MSI1: variants seen among roughly 807,000 people sequenced by gnomAD.
MSI1 encodes RNA-binding protein Musashi homolog 1.
Under a neutral mutation model 54.4 loss-of-function variants are expected in MSI1, and 15 were observed. The ratio of observed to expected loss-of-function variants is 0.28; its 90% CI spans 0.18 to 0.42. The LOEUF (loss-of-function observed/expected upper bound fraction) is 0.42, where lower values mean the gene tolerates loss of function less well. MSI1 is among the 20% of genes least tolerant of loss of function. The pLI is 1.00. For missense variants in MSI1, 304 were observed against 506.0 expected (o/e 0.60, Z 3.83); for synonymous variants, 200 against 196.5 (o/e 1.02, Z -0.15).
chr12:120,348,281 C>G (rs1413625432), intron 11 of MSI1, among the ~76,000 whole-genome samples: 6 of 152,240 alleles, frequency 3.9e-5, no homozygotes, highest in African/African-American at 1.4e-4. Context: ...TGCTTAATAC[C>G]TGCTGAAAGA....
Position 120,368,798 on chromosome 12 carries a change from C to T in MSI1, c.100+35G>A, listed in dbSNP as rs1434939576. The T allele has an allele frequency of 2.1e-6, 3 of 1,420,938 alleles. No individual in the cohort carries two copies. Among genetic ancestry groups the T allele is most frequent in the South Asian group, 1.4e-5 (1 of 70,756 alleles). The allele number at this position is 1,420,938 out of a possible 1,614,324, so 88.0% of individuals were successfully genotyped here. ...GGGGCGCCGGGGGGTCCGGGGTGCC[C>T]TGCCGGACCGGCGGGCGCTCCCGGG... On this transcript the variant is annotated intron_variant, in intron 2 of 14. Coordinates refer to ENST00000257552, the MANE Select transcript of MSI1 (RefSeq NM_002442.4). The surrounding 1 kb of genome is among the most constrained non-coding windows in gnomAD (Gnocchi z 6.6).
intron 6 of MSI1, chr12:120,361,593 G>C (rs1875647255): frequency 6.6e-6 from 1 of 152,594 alleles, no homozygotes; most frequent in Non-Finnish European, 1.5e-5. Context: ...GATCGGGCGG[G>C]GGGAGGGGAG....
At chr12:120,351,434 C>T (rs755211018) in intron 10 of MSI1, 34 bp from the exon 11 acceptor site, 1 of 1,605,244 alleles carries the variant, frequency 6.2e-7, no homozygotes, top group Non-Finnish European at 8.5e-7. Flanking sequence ...TAGGAAGAAG[C>T]AGGGGAGGCC....
chr12:120,368,344 C>A lies in MSI1; in HGVS notation c.101-71G>T. On this transcript the variant is annotated intron_variant, in intron 2 of 14. Coordinates refer to ENST00000257552, the MANE Select transcript of MSI1 (RefSeq NM_002442.4). The surrounding 1 kb of genome is among the most constrained non-coding windows in gnomAD (Gnocchi z 6.6). The stretch of plus-strand genomic sequence containing the variant: ...TTCCCCCCCCCCCGTCCTTTGCCCC[C>A]GGTGACCCCGGAGCGGCCCGGCCGC... 1.3e-6 allele frequency: 2 copies of A among 1,502,970 alleles called. No individual in the cohort carries two copies. Among genetic ancestry groups the A allele is most frequent in the Non-Finnish European group, 1.8e-6 (2 of 1,115,812 alleles). The allele number at this position is 1,502,970 out of a possible 1,614,324, so 93.1% of individuals were successfully genotyped here. A position where few individuals can be genotyped will look rare whatever the true frequency, so the allele number is the denominator to read the frequency against.
At chr12:120,353,459 T>G in intron 9 of MSI1, 80 bp from the exon 10 acceptor site, 2 of 1,228,238 alleles carry the variant, frequency 1.6e-6, no homozygotes, top group Non-Finnish European at 2.4e-6. Flanking sequence ...GAGCCACTCA[T>G]GTCCCCTCAC....
chr12:120,368,698 G>T lies in MSI1; in HGVS notation c.100+135C>A. 1.3e-6 allele frequency: 1 copy of T among 790,002 alleles called. No individual in the cohort carries two copies. The highest frequency in any genetic ancestry group is 1.7e-6 in the Non-Finnish European group (1 of 597,932). The allele number at this position is 790,002 out of a possible 1,614,324, so 48.9% of individuals were successfully genotyped here. A position where few individuals can be genotyped will look rare whatever the true frequency, so the allele number is the denominator to read the frequency against. ...ATCGCCCTGCGCTCTCGGGGTCTCCGGGCGGGGCGCGAAAGAGGGCGCGAG... is the reference window on the plus strand; with the variant it reads ...ATCGCCCTGCGCTCTCGGGGTCTCCTGGCGGGGCGCGAAAGAGGGCGCGAG... On this transcript the variant is annotated intron_variant, in intron 2 of 14. Coordinates refer to ENST00000257552, the MANE Select transcript of MSI1 (RefSeq NM_002442.4). This position sits in a 1 kb window ranked among gnomAD's most constrained non-coding sequence, Gnocchi z 6.6.
At chr12:120,353,027 G>A (rs1195677980) in intron 10 of MSI1, among the ~76,000 whole-genome samples, 2 of 152,074 alleles carry the variant, frequency 1.3e-5, no homozygotes, top group African/African-American at 4.8e-5. Context: ...GGAGTCGGGT[G>A]GGGAGGAGAG....
At chr12:120,362,986 C>T in intron 6 of MSI1, 57 bp downstream of exon 6, 1 of 1,421,428 alleles carries the variant, frequency 7.0e-7, no homozygotes, top group Admixed American at 1.7e-5. Flanking sequence ...CTTGCTAGTG[C>T]CCCATTCTAC....
Position 120,351,412 on chromosome 12 carries a change from C to A in MSI1, c.734-12G>T, listed in dbSNP as rs372363581. On this transcript the variant is annotated splice_polypyrimidine_tract_variant and intron_variant, in intron 10 of 14. Coordinates refer to ENST00000257552, the MANE Select transcript of MSI1 (RefSeq NM_002442.4). ...CTCTACACGGAATTCTAAAATGAAA[C>A]GTAAAACAGCTTAGGAAGAAGCAGG... is the stretch of plus-strand genomic sequence containing the variant. The A allele has an allele frequency of 9.9e-6, 16 of 1,613,110 alleles. No homozygotes were observed. The highest frequency in any genetic ancestry group is 1.3e-5 in the Non-Finnish European group (15 of 1,179,666).
At position 120,342,877 on chromosome 12, in the gene MSI1, C is replaced by A. The variant is rs1446816205; in HGVS notation, c.*250G>T. 1.8e-5 allele frequency: 1 copy of A among 55,838 alleles called. No homozygotes were observed. The highest frequency in any genetic ancestry group is 4.1e-4 in the East Asian group (1 of 2,428). 3.5% of individuals were successfully genotyped at this position (55,838 alleles called of 1,614,324 possible). The stretch of plus-strand genomic sequence containing the variant: ...CCGGCTAATCCAAAATAAATAAAAG[C>A]AGGGCCGGGAGAGGGGCGGGTGGGG... On this transcript the variant is annotated 3_prime_UTR_variant, in exon 15 of 15. Transcript: ENST00000257552.
chr12:120,360,627 A>T (rs917010644), intron 6 of MSI1, among the ~76,000 whole-genome samples: 1 of 152,134 alleles, frequency 6.6e-6, no homozygotes, highest in African/African-American at 2.4e-5. Context: ...CCAATGAAAA[A>T]CAGAAACCCA....
At position 120,368,791 on chromosome 12, in the gene MSI1, G is replaced by T; in HGVS notation, c.100+42C>A. 7.1e-7 allele frequency: 1 copy of T among 1,403,568 alleles called. No homozygotes were observed. 86.9% of individuals were successfully genotyped at this position (1,403,568 alleles called of 1,614,324 possible). On this transcript the variant is annotated intron_variant, in intron 2 of 14. Transcript: ENST00000257552. The surrounding 1 kb of genome is among the most constrained non-coding windows in gnomAD (Gnocchi z 6.6). ...CGGGTCCGGGGCGCCGGGGGGTCCG[G>T]GGTGCCCTGCCGGACCGGCGGGCGC...
chr12:120,355,472 T>C (rs1027167403), intron 9 of MSI1, among the ~76,000 whole-genome samples: 5 of 151,380 alleles, frequency 3.3e-5, no homozygotes, highest in Non-Finnish European at 7.4e-5. Context: ...ATAACTAAAC[T>C]GTGGTTACAT....
At position 120,351,361 on chromosome 12, in the gene MSI1, A is replaced by C. The variant is rs2136924500; in HGVS notation, c.773T>G (p.Val258Gly). Reference protein sequence around the residue: ...VERTPLPSAPVLPELTAIPLT... With the variant: ...VERTPLPSAPGLPELTAIPLT... The stretch of plus-strand genomic sequence containing the variant: ...CGACTGACCTGTAAGCTCGGGGAGG[A>C]CTGGGGCGCTCGGGAGAGGGGTCCG... Residue 258 changes from valine (V) to glycine (G), a missense_variant, in exon 11 of 15, where the codon GTC (valine) becomes GGC (glycine). Val to Gly is a moderately radical substitution (Grantham distance 109). Coordinates refer to ENST00000257552, the MANE Select transcript of MSI1 (RefSeq NM_002442.4). 1 of 1,611,880 alleles carries C rather than the reference A, an allele frequency of 6.2e-7. No individual in the cohort carries two copies. Among genetic ancestry groups the C allele is most frequent in the Non-Finnish European group, 8.5e-7 (1 of 1,179,362 alleles).
intron 6 of MSI1, among the ~76,000 whole-genome samples, chr12:120,362,596 G>A (rs1875745082): frequency 6.6e-6 from 1 of 152,118 alleles, no homozygotes; most frequent in South Asian, 2.1e-4. Context: ...CCCCACCTGT[G>A]CAAATAGGGT....
intron 6 of MSI1, 54 bp from the exon 7 acceptor site, chr12:120,359,107 C>G: frequency 2.6e-6 from 4 of 1,548,884 alleles, no homozygotes; most frequent in Non-Finnish European, 3.5e-6. Flanking sequence ...AACCCACTAC[C>G]ACCAAGGAAC....
chr12:120,359,161 GACCTTCA>G (rs1875415989), intron 6 of MSI1, 108 bp from the exon 7 acceptor site: 1 of 1,359,734 alleles, frequency 7.4e-7, no homozygotes, highest in African/African-American at 1.4e-5. Context: ...CTCCAGGCTT[GACCTTCA>G]ACCTGCTCCC....
rs1873685548 is a variant in MSI1, at chr12:120,341,769, G to A, written c.*1358C>T. ...TCACACAGACAATTAACTCTCCAAAGGTGGGGTTTCCGGGTGGGGGCAATG... is the reference window on the plus strand; with the variant it reads ...TCACACAGACAATTAACTCTCCAAAAGTGGGGTTTCCGGGTGGGGGCAATG... On this transcript the variant is annotated 3_prime_UTR_variant, in exon 15 of 15. Coordinates refer to ENST00000257552, the MANE Select transcript of MSI1 (RefSeq NM_002442.4). 6.6e-6 allele frequency: 1 copy of A among 152,574 alleles called. No homozygotes were observed. The highest frequency in any genetic ancestry group is 2.4e-5 in the African/African-American group (1 of 41,402). The allele number at this position is 152,574 out of a possible 1,614,324, so 9.5% of individuals were successfully genotyped here.
chr12:120,349,066 A>T (rs1874383918), intron 11 of MSI1, among the ~76,000 whole-genome samples: 1 of 149,268 alleles, frequency 6.7e-6, no homozygotes, highest in African/African-American at 2.5e-5. Flanking sequence ...CTTTGGGGAT[A>T]CTCAGGTAAG....
Sources: allele counts gnomAD v4.1 joint callset (sites outside exome capture counted in the v4.1 genomes callset), GRCh38; gene constraint gnomAD v4.1.1; non-coding constraint Gnocchi (gnomAD v3.1); transcripts MANE v1.5; gene names NCBI Gene and HGNC (gene_info 2026-07-23, HGNC 2026-07-21).